PXT1: variants seen among roughly 807,000 people sequenced by gnomAD.
PXT1 encodes the protein peroxisomal testis-specific protein 1.
In PXT1, 11 loss-of-function variants were observed where a neutral mutation model predicts 11.0. That is an observed-to-expected ratio of 1.00 (90% CI 0.63 to 1.66). PXT1 has a LOEUF of 1.66. Ranked by LOEUF, PXT1 falls within the 40% of genes most tolerant of loss-of-function variation. The pLI is 0.00. For missense variants in PXT1, 141 were observed against 155.5 expected, an observed-to-expected ratio of 0.91 and a Z score of 0.49; for synonymous variants, 43 against 51.4, an observed-to-expected ratio of 0.84 and a Z score of 0.70.
chr6:36,441,807 ATTT>A (rs1561937330), intron 1 of PXT1, among the ~76,000 whole-genome samples: 1 of 152,208 alleles, frequency 6.6e-6, no homozygotes. Flanking sequence ...TGAAAATTAA[ATTT>A]TTTGACCCTG....
intron 3 of PXT1, among the ~76,000 whole-genome samples, chr6:36,407,803 C>T (rs1774311498): frequency 1.3e-5 from 2 of 152,152 alleles, no homozygotes; most frequent in Non-Finnish European, 2.9e-5. Flanking sequence ...ATCCTGTTGC[C>T]TAAGCAATCA....
rs1774600715 is a variant in PXT1 at position 36,426,033 on chromosome 6, T to C, written c.50A>G (p.Asn17Ser). 6.5e-7 allele frequency: 1 copy of C among 1,527,760 alleles called. No homozygotes were observed. Among genetic ancestry groups the C allele is most frequent in the African/African-American group, 1.4e-5 (1 of 72,662 alleles). 94.6% of individuals were successfully genotyped at this position (1,527,760 alleles called of 1,614,324 possible). The change falls in exon 3 of 5, where the codon AAT becomes AGT. Residue 17 changes from asparagine (N) to serine (S), a missense_variant. Transcript: ENST00000454782. The part of the protein sequence containing the change: ...GIVYETKEVL[N>S]PSPKVTHCCK... ...ACAATGTGTTACTTTGGGAGATGGATTGAGAACTTCTTTAGTTTCATAAAC... is the reference window on the plus strand; with the variant it reads ...ACAATGTGTTACTTTGGGAGATGGACTGAGAACTTCTTTAGTTTCATAAAC...
intron 3 of PXT1, among the ~76,000 whole-genome samples, chr6:36,422,646 A>G (rs1252949218): frequency 1.3e-5 from 2 of 152,238 alleles, no homozygotes; most frequent in African/African-American, 4.8e-5. Flanking sequence ...GAATGAATGA[A>G]CGAATTAAAA....
intron 3 of PXT1, among the ~76,000 whole-genome samples, chr6:36,411,620 A>G (rs1401280939): frequency 6.6e-6 from 1 of 152,114 alleles, no homozygotes; most frequent in Non-Finnish European, 1.5e-5. Context: ...AAAAACCCAC[A>G]CTAGCTATCC....
At chr6:36,400,886 C>G (rs528851257) in intron 3 of PXT1, among the ~76,000 whole-genome samples, 2 of 152,168 alleles carry the variant, frequency 1.3e-5, no homozygotes, top group Non-Finnish European at 2.9e-5. Context: ...AGGAGAATCA[C>G]CTGAACCCAG....
intron 3 of PXT1, among the ~76,000 whole-genome samples, chr6:36,405,370 A>G (rs1374533695): frequency 6.9e-6 from 1 of 145,758 alleles, no homozygotes; most frequent in Admixed American, 6.9e-5. Flanking sequence ...ATTATTGAAG[A>G]AAAACTGTTT....
chr6:36,435,399 AAT>A (rs147403261), intron 2 of PXT1, among the ~76,000 whole-genome samples: 2,079 of 152,202 alleles, frequency 0.014, 40 homozygotes, highest in African/African-American at 0.045. Flanking sequence ...TCTCTACAAA[AAT>A]TTTTTTTTTT....
intron 2 of PXT1, among the ~76,000 whole-genome samples, 162 bp downstream of exon 2, chr6:36,438,605 G>A (rs565576528): frequency 5.7e-4 from 87 of 152,176 alleles, no homozygotes; most frequent in Non-Finnish European, 1.0e-3. Flanking sequence ...TGTATTTTTA[G>A]TAGAGATGGG....
chr6:36,419,002 T>C (rs1056305349), intron 3 of PXT1, among the ~76,000 whole-genome samples: 2 of 152,212 alleles, frequency 1.3e-5, no homozygotes, highest in African/African-American at 2.4e-5. Context: ...CTGATCAAAA[T>C]TGCAACCCTA....
chr6:36,391,566 C>T lies in PXT1; in HGVS notation c.*204G>A. On this transcript the variant is annotated 3_prime_UTR_variant, in exon 5 of 5. Transcript: ENST00000454782. ...CTTGGGCTTTACCGTGATGTGATCG[C>T]AGACATCTCATAGCTAGCTCCTCCG... 1 of 583,988 alleles carries T rather than the reference C, an allele frequency of 1.7e-6. No individual in the cohort carries two copies. The highest frequency in any genetic ancestry group is 3.1e-5 in the Admixed American group (1 of 32,584). The allele number at this position is 583,988 out of a possible 1,614,324, so 36.2% of individuals were successfully genotyped here.
At chr6:36,433,962 T>C (rs1391997187) in intron 2 of PXT1, among the ~76,000 whole-genome samples, 1 of 150,656 alleles carries the variant, frequency 6.6e-6, no homozygotes, top group Admixed American at 6.6e-5. Flanking sequence ...ATAAAGAAAA[T>C]ATGAGAAAAT....
intron 3 of PXT1, among the ~76,000 whole-genome samples, chr6:36,404,972 A>G (rs1307178345): frequency 1.3e-5 from 2 of 152,156 alleles, no homozygotes; most frequent in Non-Finnish European, 2.9e-5. Context: ...AAAAGAAAAA[A>G]GTTAACTGAA....
In PXT1 at chr6:36,400,502, C is replaced by T. The variant is rs762132202; in HGVS notation, c.252G>A (p.Met84Ile). ...HQEEIIHKLA[M>I]QLRHIGDNID... ...TGTTGTCCCCAATGTGTCTCAGCTG[C>T]ATGGCCAACTTGTGAATTATTTCCT... is the stretch of plus-strand genomic sequence containing the variant. Residue 84 changes from methionine (M) to isoleucine (I), a missense_variant, in exon 4 of 5, where the codon ATG becomes ATA. Transcript: ENST00000454782. The T allele has an allele frequency of 1.6e-5, 26 of 1,613,920 alleles. No homozygotes were observed. The highest frequency in any genetic ancestry group is 8.8e-5 in the South Asian group (8 of 91,090).
chr6:36,395,199 G>C (rs982390071), intron 4 of PXT1, among the ~76,000 whole-genome samples: 6 of 152,096 alleles, frequency 3.9e-5, no homozygotes, highest in Non-Finnish European at 8.8e-5. Flanking sequence ...AAGAACAAGA[G>C]AGCAAAAAAT....
chr6:36,391,424 G>A lies in PXT1; in HGVS notation c.*346C>T, dbSNP rs893703507. The A allele has an allele frequency of 1.0e-4, 25 of 241,296 alleles. No individual in the cohort carries two copies. Among genetic ancestry groups the A allele is most frequent in the Non-Finnish European group, 1.8e-4 (23 of 125,454 alleles). The allele number at this position is 241,296 out of a possible 1,614,324, so 14.9% of individuals were successfully genotyped here. Reference sequence around the variant, plus strand: ...TTTCTGTGGCCTTTAGTTTGAGGACGAGGTTCTCTTTCATTCCTGGAAGGA... The same window carrying A: ...TTTCTGTGGCCTTTAGTTTGAGGACAAGGTTCTCTTTCATTCCTGGAAGGA... On this transcript the variant is annotated 3_prime_UTR_variant, in exon 5 of 5. Transcript: ENST00000454782.
rs751410377 is a variant in PXT1 at position 36,426,355 on chromosome 6, C to CTTTT, written c.-9-268_-9-265dup. Among the ~76,000 whole-genome samples, 55 of 76,816 alleles carry CTTTT rather than the reference C, an allele frequency of 7.2e-4. 3 individuals are homozygous for CTTTT. The highest frequency in any genetic ancestry group is 3.2e-3 in the South Asian group (6 of 1,894). The allele number at this position is 76,816 out of a possible 152,430, so 50.4% of individuals were successfully genotyped here. A position where few individuals can be genotyped will look rare whatever the true frequency, so the allele number is the denominator to read the frequency against. ...ATTAGTCTTTCTTCTCTCTCTCTCG[C>CTTTT]TTTTTTTTTTTTTTTTTTTTTTTTT... On this transcript the variant is annotated intron_variant, in intron 2 of 4. Transcript: ENST00000454782.
chr6:36,408,627 A>T (rs1483330524), intron 3 of PXT1, among the ~76,000 whole-genome samples: 3 of 142,948 alleles, frequency 2.1e-5, no homozygotes, highest in Non-Finnish European at 3.0e-5. Context: ...GCATTTTGGG[A>T]GGCTGTTGGG....
intron 4 of PXT1, among the ~76,000 whole-genome samples, chr6:36,392,813 GC>G (rs2127408820): frequency 6.6e-6 from 1 of 152,190 alleles, no homozygotes; most frequent in African/African-American, 2.4e-5. Context: ...TCCCCCGCCT[GC>G]CCCCTGCAGT....
At position 36,426,355 on chromosome 6, in the gene PXT1, C is replaced by CTTT. The variant is rs751410377; in HGVS notation, c.-9-267_-9-265dup. ...ATTAGTCTTTCTTCTCTCTCTCTCG[C>CTTT]TTTTTTTTTTTTTTTTTTTTTTTTT... On this transcript the variant is annotated intron_variant, in intron 2 of 4. Transcript: ENST00000454782. 2.0e-3 allele frequency among the ~76,000 whole-genome samples: 155 copies of CTTT among 76,806 alleles called. 10 individuals are homozygous for CTTT. The highest frequency in any genetic ancestry group is 3.3e-3 in the East Asian group (8 of 2,416). The allele number at this position is 76,806 out of a possible 152,430, so 50.4% of individuals were successfully genotyped here. A position where few individuals can be genotyped will look rare whatever the true frequency, so the allele number is the denominator to read the frequency against.
Sources: gnomAD v4.1 joint callset for allele counts (sites outside exome capture counted in the v4.1 genomes callset) on GRCh38, gnomAD v4.1.1 for gene constraint, MANE v1.5 for transcripts, NCBI Gene and HGNC (gene_info 2026-07-23, HGNC 2026-07-21) for gene names.